ARID1B: variants seen among roughly 807,000 people sequenced by gnomAD.
The protein encoded by ARID1B is AT-rich interactive domain-containing protein 1B.
Under a neutral mutation model 212.3 loss-of-function variants are expected in ARID1B, and 30 were observed. The observed-to-expected ratio is 0.14, with a 90% CI of 0.11 to 0.19. The LOEUF (loss-of-function observed/expected upper bound fraction) is 0.19. Among genes scored for constraint, ARID1B ranks in the 10% least tolerant of loss-of-function variants. The pLI, the probability that ARID1B is intolerant of heterozygous loss-of-function variation, is 1.00. For synonymous variants in ARID1B, 1,402 were observed against 1,301.7 expected (o/e 1.08, Z -1.66); for missense variants, 2,891 against 3,204.0 (o/e 0.90, Z 2.36).
At chr6:157,145,885 TTAAG>T (rs1789690564) in intron 7 of ARID1B, among the ~76,000 whole-genome samples, 2 of 152,144 alleles carry the variant, frequency 1.3e-5, no homozygotes, top group African/African-American at 2.4e-5. Flanking sequence ...GATCTGGGGA[TTAAG>T]TGAGTTAACA....
chr6:156,910,992 T>C (rs1292844403), intron 3 of ARID1B, among the ~76,000 whole-genome samples: 2 of 152,360 alleles, frequency 1.3e-5, no homozygotes, highest in Middle Eastern at 3.4e-3. Flanking sequence ...AAGTATTGTA[T>C]GCTTAATTAA....
intron 4 of ARID1B, among the ~76,000 whole-genome samples, chr6:156,982,504 T>C (rs897058105): frequency 1.3e-5 from 2 of 151,734 alleles, no homozygotes; most frequent in Admixed American, 1.3e-4. Context: ...TTATCTTATA[T>C]AGTTATTTGG....
At chr6:156,995,792 G>T (rs1339973981) in intron 4 of ARID1B, among the ~76,000 whole-genome samples, 1 of 152,188 alleles carries the variant, frequency 6.6e-6, no homozygotes, top group Admixed American at 6.5e-5. Flanking sequence ...AGAATTACCA[G>T]ATAAAATACA....
chr6:157,096,513 A>G (rs1206108084), intron 5 of ARID1B, among the ~76,000 whole-genome samples: 2 of 152,222 alleles, frequency 1.3e-5, no homozygotes, highest in African/African-American at 4.8e-5. Context: ...CCGAATATTT[A>G]GTCCAATCTG....
rs1785149711 is a variant in ARID1B, at chr6:157,089,530, C to T, written c.2491+4625C>T. ...GTTAGGTAGCCACATGGATTCTCTC[C>T]CTTTGTTTGCACATTCCTGGGCTCC... is the stretch of plus-strand genomic sequence containing the variant. On this transcript the variant is annotated intron_variant, in intron 5 of 19. Transcript: ENST00000636930. Among the ~76,000 whole-genome samples the T allele has an allele frequency of 2.6e-5, 4 of 152,154 alleles. No homozygotes were observed. In the South Asian group the frequency reaches 8.3e-4, roughly 32 times the overall value.
intron 4 of ARID1B, among the ~76,000 whole-genome samples, chr6:157,067,074 C>T (rs949737732): frequency 1.3e-5 from 2 of 152,064 alleles, no homozygotes; most frequent in South Asian, 4.1e-4. Context: ...ATAAAAAAAA[C>T]AAGAAGTGCT....
rs532051292 is a variant in ARID1B, at chr6:156,839,211, T to G, written c.1986+9790T>G. On this transcript the variant is annotated intron_variant, in intron 2 of 19. Coordinates refer to ENST00000636930, the MANE Select transcript of ARID1B (RefSeq NM_001374828.1). The stretch of plus-strand genomic sequence containing the variant: ...TGGGTAATTTATAAAGAAAGGAAAT[T>G]TATTTCTTATAGTTCTGAAGGCTGA... Among the ~76,000 whole-genome samples the G allele has an allele frequency of 2.1e-4, 32 of 152,278 alleles. No homozygotes were observed. In the South Asian group the frequency reaches 6.2e-3, roughly 30 times the overall value.
chr6:156,964,516 G>C (rs1027802619), intron 4 of ARID1B, among the ~76,000 whole-genome samples: 10 of 152,162 alleles, frequency 6.6e-5, no homozygotes, highest in Non-Finnish European at 4.4e-5. Flanking sequence ...AATCAGGATA[G>C]GATTATTTGA....
rs1788400056 is a variant in ARID1B, at chr6:156,896,538, T to C, written c.1987-4838T>C. Among the ~76,000 whole-genome samples, 4 of 128,146 alleles carry C rather than the reference T, an allele frequency of 3.1e-5. No individual in the cohort carries two copies. In the Admixed American group the frequency reaches 3.9e-4, roughly 12 times the overall value. 84.1% of individuals were successfully genotyped at this position (128,146 alleles called of 152,430 possible). ...TTACAGTGAGCCGAGACCACACCAC[T>C]GCACTCCAGCCTGGGCAACAAGAGC... On this transcript the variant is annotated intron_variant, in intron 2 of 19. Coordinates refer to ENST00000636930, the MANE Select transcript of ARID1B (RefSeq NM_001374828.1).
chr6:156,969,939 T>A (rs575504975), intron 4 of ARID1B, among the ~76,000 whole-genome samples: 1 of 150,356 alleles, frequency 6.7e-6, no homozygotes, highest in African/African-American at 2.4e-5. Flanking sequence ...AAACCAGCAC[T>A]AGATTAAAGC....
intron 2 of ARID1B, among the ~76,000 whole-genome samples, chr6:156,896,661 A>G (rs571138060): frequency 1.3e-5 from 2 of 151,026 alleles, no homozygotes; most frequent in South Asian, 4.2e-4. Context: ...CAGGTGGATC[A>G]CGAGGTCAAG....
intron 2 of ARID1B, among the ~76,000 whole-genome samples, chr6:156,869,807 G>T (rs1785979783): frequency 6.6e-6 from 1 of 152,170 alleles, no homozygotes; most frequent in South Asian, 2.1e-4. Flanking sequence ...CATTCCTGTA[G>T]GGAAAAATCG....
At chr6:156,833,435 A>G (rs1183815458) in intron 2 of ARID1B, among the ~76,000 whole-genome samples, 2 of 152,102 alleles carry the variant, frequency 1.3e-5, no homozygotes, top group Non-Finnish European at 2.9e-5. Context: ...AATTATGTAG[A>G]CTGAGATTTT....
chr6:156,956,776 A>G (rs1794008244), intron 4 of ARID1B, among the ~76,000 whole-genome samples: 1 of 152,236 alleles, frequency 6.6e-6, no homozygotes, highest in African/African-American at 2.4e-5. Flanking sequence ...TGATGAAAAC[A>G]GTCCCTATCT....
chr6:157,041,773 A>G (rs1174141806), intron 4 of ARID1B, among the ~76,000 whole-genome samples: 1 of 152,008 alleles, frequency 6.6e-6, no homozygotes, highest in Non-Finnish European at 1.5e-5. Flanking sequence ...TGTCCTGATC[A>G]CTGATGGAAC....
chr6:157,042,487 T>C (rs191317674), intron 4 of ARID1B, among the ~76,000 whole-genome samples: 15 of 152,316 alleles, frequency 9.8e-5, no homozygotes, highest in African/African-American at 2.9e-4. Context: ...ACTCTTTTTA[T>C]AATATTTGAT....
chr6:157,199,581 ATAT>A (rs1793961360), intron 17 of ARID1B, among the ~76,000 whole-genome samples: 1 of 149,374 alleles, frequency 6.7e-6, no homozygotes, highest in Non-Finnish European at 1.5e-5. Flanking sequence ...AAAACTATAT[ATAT>A]GTTATATAAT....
intron 4 of ARID1B, among the ~76,000 whole-genome samples, chr6:156,986,655 G>C (rs745556831): frequency 5.3e-5 from 8 of 152,182 alleles, no homozygotes; most frequent in Non-Finnish European, 8.8e-5. Context: ...CTCAGTAAAT[G>C]CTTGCTGTTA....
intron 4 of ARID1B, among the ~76,000 whole-genome samples, chr6:157,040,316 T>G (rs1478302132): frequency 6.6e-6 from 1 of 152,192 alleles, no homozygotes; most frequent in Non-Finnish European, 1.5e-5. Context: ...TTTCTTCCTG[T>G]TTTTGTAAGC....
Sources: gnomAD v4.1 joint callset for allele counts (sites outside exome capture counted in the v4.1 genomes callset) on GRCh38, gnomAD v4.1.1 for gene constraint, MANE v1.5 for transcripts, NCBI Gene and HGNC (gene_info 2026-07-23, HGNC 2026-07-21) for gene names.